GJA9: variants seen among roughly 807,000 people sequenced by gnomAD.
The protein encoded by GJA9 is gap junction alpha-9 protein.
Under a neutral mutation model 0.4 loss-of-function variants are expected in GJA9, and 1 was observed. That is an observed-to-expected ratio of 2.50 (90% confidence interval 0.89 to 11.88). The LOEUF (loss-of-function observed/expected upper bound fraction) is 11.88, where lower values mean the gene tolerates loss of function less well. GJA9 is among the 30% of genes most tolerant of loss of function. The pLI, the probability that GJA9 is intolerant of heterozygous loss-of-function variation, is 0.12. For synonymous variants in GJA9, 190 were observed against 219.1 expected, an observed-to-expected ratio of 0.87 and a Z score of 1.17; for missense variants, 550 against 602.8, an observed-to-expected ratio of 0.91 and a Z score of 0.92.
At position 38,874,697 on chromosome 1, in the gene GJA9, G is replaced by A. The variant is rs561412670; in HGVS notation, c.1402C>T (p.Pro468Ser). ...SQGDSQSLDI[P>S]NTADSLGGLS... Reference sequence around the variant, plus strand: ...CCTCCCAAAGAATCAGCAGTGTTTGGAATGTCAAGTGATTGAGAATCTCCT... The same window carrying A: ...CCTCCCAAAGAATCAGCAGTGTTTGAAATGTCAAGTGATTGAGAATCTCCT... Residue 468 changes from proline to serine, a missense_variant, in exon 2 of 2, where the codon CCA (proline) becomes TCA (serine). Physicochemically the swap from Pro to Ser is moderately conservative, Grantham distance 74 (BLOSUM62 -1). Coordinates refer to ENST00000357771, the MANE Select transcript of GJA9 (RefSeq NM_030772.5). 8 of 1,614,208 alleles carry A rather than the reference G, an allele frequency of 5.0e-6. No homozygotes were observed. The African/African-American group carries it at 9.3e-5, about 19-fold the overall frequency.
At chr1:38,876,540 A>G (rs1642590758) in intron 1 of GJA9, among the ~76,000 whole-genome samples, 1 of 152,118 alleles carries the variant, frequency 6.6e-6, no homozygotes, top group South Asian at 2.1e-4. Context: ...CACCTCCCAA[A>G]GTGTGGGAAT....
rs1344391759 is a variant in GJA9, at chr1:38,881,525, G to T, written c.-189C>A. The T allele has an allele frequency of 1.4e-6, 1 of 699,502 alleles. No homozygotes were observed. Among genetic ancestry groups the T allele is most frequent in the Non-Finnish European group, 2.6e-6 (1 of 383,624 alleles). The allele number at this position is 699,502 out of a possible 1,614,324, so 43.3% of individuals were successfully genotyped here. Reference sequence around the variant, plus strand: ...TATTTTCTGAATTTGTCCCTTTGCTGGTATAGAGCAGATTCAGTTCAGTTG... The same window carrying T: ...TATTTTCTGAATTTGTCCCTTTGCTTGTATAGAGCAGATTCAGTTCAGTTG... On this transcript the variant is annotated 5_prime_UTR_variant, in exon 1 of 2. Coordinates refer to ENST00000357771, the MANE Select transcript of GJA9 (RefSeq NM_030772.5).
Position 38,874,697 on chromosome 1 carries a change from GA to G in GJA9, c.1401del (p.Pro468GlnfsTer30). 3 of 1,614,208 alleles carry G rather than the reference GA, an allele frequency of 1.9e-6. No individual in the cohort carries two copies. The highest frequency in any genetic ancestry group is 1.6e-4 in the Middle Eastern group (1 of 6,062). On this transcript the variant is annotated frameshift_variant, in exon 2 of 2. Coordinates refer to ENST00000357771, the MANE Select transcript of GJA9 (RefSeq NM_030772.5). LOFTEE classifies it high-confidence loss of function. ...CCTCCCAAAGAATCAGCAGTGTTTG[GA>G]ATGTCAAGTGATTGAGAATCTCCTT... ...PSQGDSQSLD[I>X]PNTADSLGGL...
Position 38,875,237 on chromosome 1 carries a change from C to G in GJA9, c.862G>C (p.Val288Leu), listed in dbSNP as rs768572976. The G allele has an allele frequency of 6.8e-6, 11 of 1,614,030 alleles. No homozygotes were observed. Among genetic ancestry groups the G allele is most frequent in the Non-Finnish European group, 9.3e-6 (11 of 1,180,034 alleles). The change falls in exon 2 of 2, where the codon GTG becomes CTG. Residue 288 changes from valine to leucine, a missense_variant. Coordinates refer to ENST00000357771, the MANE Select transcript of GJA9 (RefSeq NM_030772.5). Reference protein sequence around the residue: ...LPSAPDYNLLVEKQTHTAVYP... With the variant: ...LPSAPDYNLLLEKQTHTAVYP... ...ACTGCAGTGTGTGTTTGCTTTTCCA[C>G]TAACAGATTATAATCAGGGGCAGAA...
chr1:38,875,714 G>T lies in GJA9; in HGVS notation c.385C>A (p.Arg129=). The T allele has an allele frequency of 6.2e-7, 1 of 1,614,052 alleles. No individual in the cohort carries two copies. Among genetic ancestry groups the T allele is most frequent in the South Asian group, 1.1e-5 (1 of 91,062 alleles). The change falls in exon 2 of 2, where the codon CGG becomes AGG. Residue 129 remains arginine, a synonymous_variant. Coordinates refer to ENST00000357771, the MANE Select transcript of GJA9 (RefSeq NM_030772.5). Reference sequence around the variant, plus strand: ...CAAAGCTCTTGCTCCAATCTCCTCCGATCCCTAGGCATTTCAAACTCTACC... The same window carrying T: ...CAAAGCTCTTGCTCCAATCTCCTCCTATCCCTAGGCATTTCAAACTCTACC... ...EEVEFEMPRD[R]RRLEQELCQL...
rs1196100167 is a variant in GJA9, at chr1:38,876,212, AAT to A, written c.-95-21_-95-20del. ...AGCAAACCTATGGTGAAAATATAAC[AAT>A]ATGTCACTTCTATATGCTGGTTGCT... On this transcript the variant is annotated intron_variant, in intron 1 of 1. Coordinates refer to ENST00000357771, the MANE Select transcript of GJA9 (RefSeq NM_030772.5). 5.5e-5 allele frequency: 44 copies of A among 806,152 alleles called. No homozygotes were observed. The South Asian group carries it at 7.5e-4, about 14-fold the overall frequency. The allele number at this position is 806,152 out of a possible 1,614,324, so 49.9% of individuals were successfully genotyped here. A position where few individuals can be genotyped will look rare whatever the true frequency, so the allele number is the denominator to read the frequency against.
Position 38,876,124 on chromosome 1 carries a change from C to G in GJA9, c.-26G>C. On this transcript the variant is annotated 5_prime_UTR_variant, in exon 2 of 2. Coordinates refer to ENST00000357771, the MANE Select transcript of GJA9 (RefSeq NM_030772.5). ...GTTTATTTAGTCAGCCATCTTAGCT[C>G]TGATCCACATCAAATAAGAGGCAGA... The G allele has an allele frequency of 4.5e-6, 7 of 1,557,804 alleles. No individual in the cohort carries two copies. Among genetic ancestry groups the G allele is most frequent in the Non-Finnish European group, 6.2e-6 (7 of 1,135,300 alleles).
At position 38,874,882 on chromosome 1, in the gene GJA9, T is replaced by G. The variant is rs758439240; in HGVS notation, c.1217A>C (p.Gln406Pro). ...GTTAGCTGGCAAGGAGAAAACTGTTTGGGGTGACTGCCTCATGTTGTTCTC... is the reference window on the plus strand; with the variant it reads ...GTTAGCTGGCAAGGAGAAAACTGTTGGGGGTGACTGCCTCATGTTGTTCTC... The part of the protein sequence containing the change: ...DGENNMRQSP[Q>P]TVFSLPANCD... The change falls in exon 2 of 2, where the codon CAA becomes CCA. Residue 406 changes from glutamine to proline, a missense_variant. Coordinates refer to ENST00000357771, the MANE Select transcript of GJA9 (RefSeq NM_030772.5). 6.2e-7 allele frequency: 1 copy of G among 1,614,092 alleles called. No individual in the cohort carries two copies. The highest frequency in any genetic ancestry group is 8.5e-7 in the Non-Finnish European group (1 of 1,180,046).
intron 1 of GJA9, among the ~76,000 whole-genome samples, chr1:38,878,658 CAA>C (rs1481143674): frequency 6.8e-6 from 1 of 146,430 alleles, no homozygotes; most frequent in East Asian, 2.2e-4. Flanking sequence ...GCCTTGGCGA[CAA>C]GAGCAGAAAC....
intron 1 of GJA9, among the ~76,000 whole-genome samples, chr1:38,880,491 G>GT (rs1310836673): frequency 3.4e-5 from 5 of 147,882 alleles, no homozygotes; most frequent in Non-Finnish European, 7.5e-5. Context: ...ACTTTAAAAT[G>GT]TAAGCAAGTT....
At position 38,874,665 on chromosome 1, in the gene GJA9, G is replaced by A. The variant is rs1642546527; in HGVS notation, c.1434C>T (p.Ser478=). 1.2e-6 allele frequency: 2 copies of A among 1,614,190 alleles called. No individual in the cohort carries two copies. Among genetic ancestry groups the A allele is most frequent in the East Asian group, 2.2e-5 (1 of 44,892 alleles). Residue 478 remains serine, a synonymous_variant, in exon 2 of 2, where the codon TCC becomes TCT. Coordinates refer to ENST00000357771, the MANE Select transcript of GJA9 (RefSeq NM_030772.5). ...AGGTTCTGACCAACCCTGGCTCAAA[G>A]GACAGCCCTCCCAAAGAATCAGCAG... ...PNTADSLGGL[S]FEPGLVRTCN...
intron 1 of GJA9, among the ~76,000 whole-genome samples, chr1:38,877,089 G>T (rs1004849494): frequency 6.7e-6 from 1 of 149,730 alleles, no homozygotes; most frequent in South Asian, 2.1e-4. Flanking sequence ...GCCCAGGCTG[G>T]AGTGCAATGG....
rs140099991 is a variant in GJA9, at chr1:38,874,559, G to C, written c.1540C>G (p.Gln514Glu). The C allele has an allele frequency of 2.1e-5, 34 of 1,610,904 alleles. No individual in the cohort carries two copies. In the Middle Eastern group the frequency reaches 9.9e-4, roughly 47 times the overall value. ...TAAAAGCCAACCGCTGTTTAGATCTGAAGATCTGTGGGAACCCGCCTACCA... is the reference window on the plus strand; with the variant it reads ...TAAAAGCCAACCGCTGTTTAGATCTCAAGATCTGTGGGAACCCGCCTACCA... ...LIGRRVPTDLQI is the reference protein window; with the variant it reads ...LIGRRVPTDLEI Residue 514 changes from glutamine to glutamate, a missense_variant, in exon 2 of 2, where the codon CAG becomes GAG. Physicochemically the swap from Gln to Glu is conservative, Grantham distance 29 (BLOSUM62 2). Coordinates refer to ENST00000357771, the MANE Select transcript of GJA9 (RefSeq NM_030772.5).
Position 38,875,477 on chromosome 1 carries a change from T to C in GJA9, c.622A>G (p.Lys208Glu). 6.2e-7 allele frequency: 1 copy of C among 1,614,178 alleles called. No individual in the cohort carries two copies. The highest frequency in any genetic ancestry group is 8.5e-7 in the Non-Finnish European group (1 of 1,180,002). Reference sequence around the variant, plus strand: ...TGCATAAATAATAGGAATATTGTCTTTTCTGTTGGTCTTGAGACAAAACAG... The same window carrying C: ...TGCATAAATAATAGGAATATTGTCTCTTCTGTTGGTCTTGAGACAAAACAG... ...IDCFVSRPTE[K>E]TIFLLFMQSI... Residue 208 changes from lysine (K) to glutamate (E), a missense_variant, in exon 2 of 2, where the codon AAG (lysine) becomes GAG (glutamate). Coordinates refer to ENST00000357771, the MANE Select transcript of GJA9 (RefSeq NM_030772.5).
Position 38,874,652 on chromosome 1 carries a change from A to C in GJA9, c.1447T>G (p.Leu483Val), listed in dbSNP as rs1642545927. Residue 483 changes from leucine (L) to valine (V), a missense_variant, in exon 2 of 2, where the codon TTG (leucine) becomes GTG (valine). Leu to Val is a conservative substitution (Grantham distance 32). Transcript: ENST00000357771. Reference protein sequence around the residue: ...SLGGLSFEPGLVRTCNNPVCP... With the variant: ...SLGGLSFEPGVVRTCNNPVCP... The stretch of plus-strand genomic sequence containing the variant: ...ACAGGATTATTACAGGTTCTGACCA[A>C]CCCTGGCTCAAAGGACAGCCCTCCC... The C allele has an allele frequency of 6.2e-7, 1 of 1,614,058 alleles. No individual in the cohort carries two copies.
chr1:38,878,589 A>G lies in GJA9; in HGVS notation c.-95-2396T>C, dbSNP rs561036661. Among the ~76,000 whole-genome samples, 648 of 151,032 alleles carry G rather than the reference A, an allele frequency of 4.3e-3. 1 individual carries two copies. The highest frequency in any genetic ancestry group is 6.9e-3 in the Non-Finnish European group (470 of 67,706). ...CTACTCAGGAGGCTGAGGCAGGAGAATCACTTGAACCTGGGAGGCAGAGGT... is the reference window on the plus strand; with the variant it reads ...CTACTCAGGAGGCTGAGGCAGGAGAGTCACTTGAACCTGGGAGGCAGAGGT... On this transcript the variant is annotated intron_variant, in intron 1 of 1. Coordinates refer to ENST00000357771, the MANE Select transcript of GJA9 (RefSeq NM_030772.5).
In GJA9 at chr1:38,875,924, G is replaced by C. The variant is rs758941326; in HGVS notation, c.175C>G (p.Pro59Ala). The C allele has an allele frequency of 1.2e-6, 2 of 1,614,160 alleles. No homozygotes were observed. Among genetic ancestry groups the C allele is most frequent in the Non-Finnish European group, 1.7e-6 (2 of 1,180,040 alleles). ...TCGTAGCATACATTTCTGCAGCCTGGTTGTTCTGTATTGCAGATGAAGCCA... is the reference window on the plus strand; with the variant it reads ...TCGTAGCATACATTTCTGCAGCCTGCTTGTTCTGTATTGCAGATGAAGCCA... ...QSGFICNTEQ[P>A]GCRNVCYDQA... Residue 59 changes from proline (P) to alanine (A), a missense_variant, in exon 2 of 2, where the codon CCA becomes GCA. Pro to Ala is a conservative substitution (Grantham distance 27). Coordinates refer to ENST00000357771, the MANE Select transcript of GJA9 (RefSeq NM_030772.5).
rs912666751 is a variant in GJA9, at chr1:38,879,191, G to A, written c.-96+2241C>T. On this transcript the variant is annotated intron_variant, in intron 1 of 1. Coordinates refer to ENST00000357771, the MANE Select transcript of GJA9 (RefSeq NM_030772.5). ...CAGTGGGGCAAGTTATAATTTAGCTGCTTGGATTATTTGCCGGCAGATTGC... is the reference window on the plus strand; with the variant it reads ...CAGTGGGGCAAGTTATAATTTAGCTACTTGGATTATTTGCCGGCAGATTGC... Among the ~76,000 whole-genome samples the A allele has an allele frequency of 2.0e-5, 3 of 152,250 alleles. No individual in the cohort carries two copies. The East Asian group carries it at 5.8e-4, about 29-fold the overall frequency.
At chr1:38,877,094 C>T (rs35657544) in intron 1 of GJA9, among the ~76,000 whole-genome samples, 11,725 of 146,812 alleles carry the variant, frequency 0.08, 484 homozygotes, top group Middle Eastern at 0.18. Flanking sequence ...GGCTGGAGTG[C>T]AATGGCATGA....
Sources: allele counts gnomAD v4.1 joint callset (sites outside exome capture counted in the v4.1 genomes callset), GRCh38; gene constraint gnomAD v4.1.1; transcripts MANE v1.5; gene names NCBI Gene and HGNC (gene_info 2026-07-23, HGNC 2026-07-21).